Variants in KIF18A observed in about 807,000 individuals in gnomAD.
The protein encoded by KIF18A is kinesin-like protein KIF18A.
A neutral mutation model predicts 103.3 loss-of-function variants in KIF18A; 67 were observed. The observed-to-expected ratio is 0.65, with a 90% CI of 0.53 to 0.79. The LOEUF is 0.79. KIF18A is among the 30% of genes least tolerant of loss of function. The pLI, the probability that KIF18A is intolerant of heterozygous loss-of-function variation, is 0.00. For synonymous variants in KIF18A, 367 were observed against 355.5 expected (o/e 1.03, Z -0.36); for missense variants, 1,032 against 1,062.5 (o/e 0.97, Z 0.40).
At chr11:28,093,226 T>C (rs1173319945) in intron 3 of KIF18A, among the ~76,000 whole-genome samples, 1 of 152,212 alleles carries the variant, frequency 6.6e-6, no homozygotes, top group Non-Finnish European at 1.5e-5. Context: ...TAATGAATGC[T>C]GGCACCCTCT....
In KIF18A at chr11:28,091,441, CT is replaced by C; in HGVS notation, c.555del (p.Val187TrpfsTer35). On this transcript the variant is annotated frameshift_variant, in exon 4 of 17. Coordinates refer to ENST00000263181, the MANE Select transcript of KIF18A (RefSeq NM_031217.4). LOFTEE classifies it high-confidence loss of function. The part of the protein sequence containing the change: ...GPLAVREDTQ[K>X]GVVVHGLTLH... ...AAAGTAAGTCCATGAACGACCACCC[CT>C]TTTTGGGTATCTTCCCGGACAGCAA... 6.2e-7 allele frequency: 1 copy of C among 1,610,188 alleles called. No individual in the cohort carries two copies. Among genetic ancestry groups the C allele is most frequent in the Non-Finnish European group, 8.5e-7 (1 of 1,176,816 alleles).
chr11:28,092,104 C>T (rs770424024), intron 3 of KIF18A, among the ~76,000 whole-genome samples: 12 of 152,120 alleles, frequency 7.9e-5, no homozygotes, highest in Non-Finnish European at 1.2e-4. Context: ...CGTGAGCCAC[C>T]GCGCCCGGCC....
chr11:28,076,938 A>G, intron 10 of KIF18A, 69 bp downstream of exon 10: 2 of 626,292 alleles, frequency 3.2e-6, no homozygotes, highest in East Asian at 5.9e-5. Flanking sequence ...TCCTTCTGAA[A>G]AAAAAAAAAA....
At position 28,021,159 on chromosome 11, in the gene KIF18A, G is replaced by T; in HGVS notation, c.*41C>A. 1 of 1,445,004 alleles carries T rather than the reference G, an allele frequency of 6.9e-7. No individual in the cohort carries two copies. 89.5% of individuals were successfully genotyped at this position (1,445,004 alleles called of 1,614,324 possible). On this transcript the variant is annotated 3_prime_UTR_variant, in exon 17 of 17. Transcript: ENST00000263181. ...AAAGGGTATTGATAAACTTTGAAAA[G>T]CAGATTTGATCAACTTCATTTTGCT... is the stretch of plus-strand genomic sequence containing the variant.
chr11:28,081,134 A>C (rs1851160140), intron 9 of KIF18A, among the ~76,000 whole-genome samples: 1 of 152,218 alleles, frequency 6.6e-6, no homozygotes, highest in Non-Finnish European at 1.5e-5. Context: ...TAAGAAAAAA[A>C]GCCTTCTCTA....
In KIF18A at chr11:28,036,503, C is replaced by T. The variant is rs776245886; in HGVS notation, c.2110G>A (p.Val704Ile). ...DSLSKELQPI[V>I]YTPEDCRKAF... Reference sequence around the variant, plus strand: ...TTTCTACAGTCTTCTGGTGTATATACAATAGGCTGAAGTTCTTTGCTAAGA... The same window carrying T: ...TTTCTACAGTCTTCTGGTGTATATATAATAGGCTGAAGTTCTTTGCTAAGA... Residue 704 changes from valine to isoleucine, a missense_variant, in exon 14 of 17, where the codon GTA becomes ATA. Coordinates refer to ENST00000263181, the MANE Select transcript of KIF18A (RefSeq NM_031217.4). 2 of 1,611,320 alleles carry T rather than the reference C, an allele frequency of 1.2e-6. No homozygotes were observed. The highest frequency in any genetic ancestry group is 1.7e-6 in the Non-Finnish European group (2 of 1,178,288).
At chr11:28,037,290 A>G (rs1850505584) in intron 13 of KIF18A, among the ~76,000 whole-genome samples, 2 of 151,560 alleles carry the variant, frequency 1.3e-5, no homozygotes, top group South Asian at 2.1e-4. Flanking sequence ...TCAGGTATAC[A>G]GAGTTGACCC....
At chr11:28,066,580 A>G (rs748161983) in intron 11 of KIF18A, among the ~76,000 whole-genome samples, 2 of 151,812 alleles carry the variant, frequency 1.3e-5, no homozygotes, top group Admixed American at 6.6e-5. Context: ...AAAACGTGCT[A>G]TAGTTTCCTT....
chr11:28,096,925 A>C (rs1851383453), intron 2 of KIF18A, among the ~76,000 whole-genome samples: 2 of 151,638 alleles, frequency 1.3e-5, no homozygotes, highest in Non-Finnish European at 2.9e-5. Context: ...CTTTCTTGAA[A>C]GGCCAAAAAA....
chr11:28,062,277 A>G (rs925878861), intron 12 of KIF18A, 118 bp downstream of exon 12: 3 of 820,468 alleles, frequency 3.7e-6, no homozygotes, highest in Non-Finnish European at 3.6e-6. Context: ...TCAGACAGAC[A>G]CTTAAAAATA....
intron 9 of KIF18A, among the ~76,000 whole-genome samples, chr11:28,080,864 A>G (rs763205549): frequency 2.6e-5 from 4 of 152,232 alleles, no homozygotes; most frequent in Non-Finnish European, 5.9e-5. Flanking sequence ...GTGAATGCAA[A>G]GGAAAAATTC....
chr11:28,069,193 A>C (rs1850976877), intron 11 of KIF18A, 66 bp downstream of exon 11: 1 of 1,255,834 alleles, frequency 8.0e-7, no homozygotes, highest in African/African-American at 1.5e-5. Flanking sequence ...ACTCAATAAG[A>C]AAAAGAACAC....
At chr11:28,022,241 T>C (rs956811495) in intron 16 of KIF18A, among the ~76,000 whole-genome samples, 1 of 151,940 alleles carries the variant, frequency 6.6e-6, no homozygotes, top group African/African-American at 2.4e-5. Flanking sequence ...ATAAGCATAT[T>C]AGAAAAAGCC....
At chr11:28,095,172 C>T (rs1005888073) in intron 2 of KIF18A, among the ~76,000 whole-genome samples, 2 of 152,206 alleles carry the variant, frequency 1.3e-5, no homozygotes, top group Admixed American at 6.5e-5. Context: ...TCCAGGTTTA[C>T]ATAAGTTCAA....
chr11:28,085,547 C>T (rs953671788), intron 6 of KIF18A, among the ~76,000 whole-genome samples: 7 of 152,204 alleles, frequency 4.6e-5, no homozygotes, highest in Non-Finnish European at 8.8e-5. Context: ...TGCGCCATCT[C>T]TCTCTCTGTT....
intron 6 of KIF18A, 34 bp downstream of exon 6, chr11:28,088,490 C>T (rs1323986037): frequency 2.0e-6 from 3 of 1,529,928 alleles, no homozygotes; most frequent in East Asian, 4.6e-5. Flanking sequence ...TTCAATATTT[C>T]AAACTATTTA....
In KIF18A at chr11:28,094,679, T is replaced by C; in HGVS notation, c.447A>G (p.Glu149=). The C allele has an allele frequency of 3.1e-6, 5 of 1,612,642 alleles. No homozygotes were observed. The highest frequency in any genetic ancestry group is 4.2e-6 in the Non-Finnish European group (5 of 1,178,690). ...HLYKCMDEIK[E]EKICSTAVSY... Reference sequence around the variant, plus strand: ...AAACTGCAGTACTACATATTTTCTCTTCTTTAATCTCATCCATGCATTTGT... The same window carrying C: ...AAACTGCAGTACTACATATTTTCTCCTCTTTAATCTCATCCATGCATTTGT... Residue 149 remains glutamate (E), a synonymous_variant, in exon 3 of 17, where the codon GAA becomes GAG. Transcript: ENST00000263181.
chr11:28,098,789 T>C (rs1851407860), intron 1 of KIF18A, among the ~76,000 whole-genome samples: 1 of 152,088 alleles, frequency 6.6e-6, no homozygotes, highest in African/African-American at 2.4e-5. Context: ...AGATCAATAA[T>C]TTGGAAGTCT....
At chr11:28,063,377 C>T (rs1850879650) in intron 11 of KIF18A, among the ~76,000 whole-genome samples, 1 of 152,058 alleles carries the variant, frequency 6.6e-6, no homozygotes, top group South Asian at 2.1e-4. Flanking sequence ...CCTTTATATA[C>T]ATCCTCTCAT....
Sources: gnomAD v4.1 joint callset for allele counts (sites outside exome capture counted in the v4.1 genomes callset) on GRCh38, gnomAD v4.1.1 for gene constraint, MANE v1.5 for transcripts, NCBI Gene and HGNC (gene_info 2026-07-23, HGNC 2026-07-21) for gene names.